The following ANO4 variants were observed in gnomAD, a reference collection of about 807,000 sequenced individuals.
The protein encoded by ANO4 is anoctamin-4.
Under a neutral mutation model 141.9 loss-of-function variants are expected in ANO4, and 69 were observed. That is an observed-to-expected ratio of 0.49 (90% confidence interval 0.40 to 0.59). ANO4 has a LOEUF of 0.59. ANO4 is among the 20% of genes least tolerant of loss of function. ANO4 has a pLI of 0.00. For missense variants in ANO4, 894 were observed against 1,162.2 expected, an observed-to-expected ratio of 0.77 and a Z score of 3.36; for synonymous variants, 350 against 394.3, an observed-to-expected ratio of 0.89 and a Z score of 1.33.
intron 22 of ANO4, 110 bp from the exon 23 acceptor site, chr12:101,110,294 G>A: frequency 8.5e-7 from 1 of 1,178,756 alleles, no homozygotes; most frequent in East Asian, 2.7e-5. Flanking sequence ...CTGTGCGTCT[G>A]TATTGGGAAA....
At chr12:100,733,905 G>T (rs1165819128) in intron 2 of ANO4, 2 of 668,878 alleles carry the variant, frequency 3.0e-6, no homozygotes, top group Non-Finnish European at 5.5e-6. Flanking sequence ...ATTATTGCCT[G>T]GAAAAGCTGG....
chr12:100,974,724 T>A (rs2044087166), intron 6 of ANO4, 121 bp from the exon 7 acceptor site: 7 of 1,083,812 alleles, frequency 6.5e-6, no homozygotes, highest in Non-Finnish European at 1.0e-5. Context: ...CTCTTTTTAG[T>A]TTTTTCTTCT....
upstream of ANO4, among the ~76,000 whole-genome samples, chr12:100,793,316 G>A (rs767432759): frequency 7.9e-5 from 12 of 152,034 alleles, no homozygotes; most frequent in Admixed American, 3.3e-4. Flanking sequence ...TTTCTTCTTC[G>A]TTTAAAAAAT....
chr12:101,083,810 T>C lies in ANO4; in HGVS notation c.1528T>C (p.Phe510Leu). ...ACTTATCGTTTCTGCATCTGGAATA[T>C]TTTTTATGGTTTGAAACTTTTAAAA... ...SRLIVSASGIFFMICVVIAAV... is the reference protein window; with the variant it reads ...SRLIVSASGILFMICVVIAAV... The change falls in exon 16 of 28, where the codon TTT becomes CTT. Residue 510 changes from phenylalanine (F) to leucine (L), a missense_variant. Phe to Leu is a conservative substitution (Grantham distance 22). This residue lies in a region of ANO4 where 637 missense variants were observed against 909.2 expected (regional missense o/e 0.70). Transcript: ENST00000392977. 9.0e-6 allele frequency: 14 copies of C among 1,559,988 alleles called. No individual in the cohort carries two copies. Among genetic ancestry groups the C allele is most frequent in the South Asian group, 2.5e-5 (2 of 81,206 alleles).
chr12:100,928,363 G>A (rs1592743417), intron 3 of ANO4, among the ~76,000 whole-genome samples: 1 of 152,128 alleles, frequency 6.6e-6, no homozygotes, highest in South Asian at 2.1e-4. Flanking sequence ...TACACAGTCA[G>A]GGGTGTATAA....
chr12:100,836,101 T>G (rs1330260998), intron 1 of ANO4, among the ~76,000 whole-genome samples: 1 of 152,170 alleles, frequency 6.6e-6, no homozygotes, highest in African/African-American at 2.4e-5. Context: ...AACTAATATT[T>G]ATTAGTAATC....
intron 3 of ANO4, among the ~76,000 whole-genome samples, chr12:100,756,280 A>G (rs2032607237): frequency 1.3e-5 from 2 of 152,238 alleles, no homozygotes; most frequent in Admixed American, 1.3e-4. Context: ...GAGCCTTCCT[A>G]CATAATAAGC....
intron 7 of ANO4, among the ~76,000 whole-genome samples, chr12:100,986,128 G>A (rs182202979): frequency 6.6e-6 from 1 of 152,236 alleles, no homozygotes; most frequent in East Asian, 1.9e-4. Flanking sequence ...CTCTTCTTCT[G>A]CCCTTAGACA....
upstream of ANO4, among the ~76,000 whole-genome samples, chr12:100,791,079 C>T (rs1353587931): frequency 1.3e-5 from 2 of 152,160 alleles, no homozygotes; most frequent in Non-Finnish European, 2.9e-5. Flanking sequence ...TTCCTCTTGG[C>T]CTTAAAATGT....
intron 9 of ANO4, among the ~76,000 whole-genome samples, chr12:101,030,618 T>C (rs1192563007): frequency 6.6e-6 from 1 of 151,460 alleles, no homozygotes; most frequent in Non-Finnish European, 1.5e-5. Flanking sequence ...AGACAAGCAA[T>C]AACTAAGATC....
At position 101,099,023 on chromosome 12, in the gene ANO4, T is replaced by G. The variant is rs536803096; in HGVS notation, c.2007-555T>G. 3.9e-5 allele frequency among the ~76,000 whole-genome samples: 6 copies of G among 152,292 alleles called. No individual in the cohort carries two copies. The East Asian group carries it at 7.7e-4, about 20-fold the overall frequency. On this transcript the variant is annotated intron_variant, in intron 21 of 27. Transcript: ENST00000392977. ...ACTGCTAAGGGTTCCTGTGCTAACC[T>G]TACCAATGCCGGGTGCATTTTACTG... is the stretch of plus-strand genomic sequence containing the variant.
At chr12:101,002,647 ATCT>A (rs1279104837) in intron 8 of ANO4, among the ~76,000 whole-genome samples, 1 of 152,130 alleles carries the variant, frequency 6.6e-6, no homozygotes, top group Non-Finnish European at 1.5e-5. Context: ...TTCAGGTGTC[ATCT>A]TCTTTATGAA....
chr12:101,060,049 C>T (rs745732657), intron 14 of ANO4, among the ~76,000 whole-genome samples: 12 of 152,088 alleles, frequency 7.9e-5, no homozygotes, highest in African/African-American at 1.4e-4. Context: ...ACACTGCTTC[C>T]GCAGTTTCCC....
chr12:100,908,291 G>A (rs1052881692), intron 2 of ANO4, among the ~76,000 whole-genome samples: 1 of 152,208 alleles, frequency 6.6e-6, no homozygotes, highest in Non-Finnish European at 1.5e-5. Context: ...GGAGGTTGCG[G>A]TGTGCCAAGA....
At chr12:100,823,996 A>C in intron 1 of ANO4, among the ~76,000 whole-genome samples, 1 of 151,928 alleles carries the variant, frequency 6.6e-6, no homozygotes, top group South Asian at 2.1e-4. Context: ...TATTTATAAA[A>C]AGTGCCATTA....
At chr12:101,003,377 A>G (rs2045732196) in intron 8 of ANO4, among the ~76,000 whole-genome samples, 1 of 152,230 alleles carries the variant, frequency 6.6e-6, no homozygotes, top group Admixed American at 6.5e-5. Context: ...TTCTGCTCAG[A>G]TGTGGCATAT....
rs1349662574 is a variant in ANO4, at chr12:100,864,543, G to A, written c.-140-37103G>A. Among the ~76,000 whole-genome samples, 6 of 152,060 alleles carry A rather than the reference G, an allele frequency of 3.9e-5. No homozygotes were observed. In the South Asian group the frequency reaches 6.2e-4, roughly 16 times the overall value. The stretch of plus-strand genomic sequence containing the variant: ...GCCACTGTAGCTTCCTCTTCCTTTC[G>A]TAGGATTCTCAGCAGGAATCCCCTC... On this transcript the variant is annotated intron_variant, in intron 1 of 27. Transcript: ENST00000392977.
chr12:100,761,195 G>A (rs1449304335), intron 3 of ANO4, among the ~76,000 whole-genome samples: 1 of 152,072 alleles, frequency 6.6e-6, no homozygotes, highest in African/African-American at 2.4e-5. Context: ...CAGTGGTGGA[G>A]GAAGGAAGGC....
intron 14 of ANO4, among the ~76,000 whole-genome samples, chr12:101,067,452 G>A (rs1217374518): frequency 6.6e-6 from 1 of 152,226 alleles, no homozygotes; most frequent in Admixed American, 6.5e-5. Context: ...GGAAGCTGAG[G>A]TGGATGGATT....
Sources: allele counts gnomAD v4.1 joint callset (sites outside exome capture counted in the v4.1 genomes callset), GRCh38; gene constraint gnomAD v4.1.1; regional missense constraint gnomAD v4.1.1; transcripts MANE v1.5; gene names NCBI Gene and HGNC (gene_info 2026-07-23, HGNC 2026-07-21).